ANGPT2: variants seen among roughly 807,000 people sequenced by gnomAD.
ANGPT2 encodes angiopoietin-2.
Under a neutral mutation model 62.9 loss-of-function variants are expected in ANGPT2, and 28 were observed. The ratio of observed to expected loss-of-function variants is 0.44; its 90% CI spans 0.33 to 0.61. ANGPT2 has a LOEUF of 0.61. Among genes scored for constraint, ANGPT2 ranks in the 20% least tolerant of loss-of-function variants. The pLI, the probability that ANGPT2 is intolerant of heterozygous loss-of-function variation, is 0.03. For synonymous variants in ANGPT2, 284 were observed against 207.8 expected, an observed-to-expected ratio of 1.37 and a Z score of -3.15; for missense variants, 727 against 594.9, an observed-to-expected ratio of 1.22 and a Z score of -2.31.
Position 6,563,242 on chromosome 8 carries a change from C to T in ANGPT2, c.-308G>A. The stretch of plus-strand genomic sequence containing the variant: ...CCTCTCTCCCCAGATCCTACAGTGT[C>T]AGTATCCGAATCAATCACTTTCCTT... On this transcript the variant is annotated 5_prime_UTR_variant, in exon 1 of 9. Transcript: ENST00000629816. The T allele has an allele frequency of 9.1e-6, 2 of 220,472 alleles. No individual in the cohort carries two copies. Among genetic ancestry groups the T allele is most frequent in the Admixed American group, 5.0e-5 (1 of 20,048 alleles). 13.7% of individuals were successfully genotyped at this position (220,472 alleles called of 1,614,324 possible). A position where few individuals can be genotyped will look rare whatever the true frequency, so the allele number is the denominator to read the frequency against.
chr8:6,508,877 C>G, intron 8 of ANGPT2, 55 bp downstream of exon 8: 2 of 1,612,600 alleles, frequency 1.2e-6, no homozygotes, highest in South Asian at 1.1e-5. Flanking sequence ...CAGCCTTTCC[C>G]TCTATGAAAT....
At chr8:6,532,567 C>G (rs1230295940) in intron 1 of ANGPT2, 80 bp from the exon 2 acceptor site, 2 of 871,082 alleles carry the variant, frequency 2.3e-6, no homozygotes, top group Non-Finnish European at 3.1e-6. Context: ...CGTCTCCTCC[C>G]TATCTTTAAA....
At position 6,535,665 on chromosome 8, in the gene ANGPT2, C is replaced by G. The variant is rs80233401; in HGVS notation, c.289-3178G>C. 9.2e-4 allele frequency among the ~76,000 whole-genome samples: 140 copies of G among 152,288 alleles called. 1 individual carries two copies. The East Asian group carries it at 0.024, about 26-fold the overall frequency. ...AAATAAAAGAAAATTCTGTGTGATA[C>G]TGACTGCATTGCTAATTAATTGAAG... On this transcript the variant is annotated intron_variant, in intron 1 of 8. Transcript: ENST00000629816.
At chr8:6,550,516 T>G (rs1823452632) in intron 1 of ANGPT2, among the ~76,000 whole-genome samples, 2 of 152,230 alleles carry the variant, frequency 1.3e-5, no homozygotes, top group African/African-American at 4.8e-5. Context: ...AAAACTGGCC[T>G]GCTCACCATT....
chr8:6,511,637 CT>C (rs1436502777), intron 7 of ANGPT2, among the ~76,000 whole-genome samples: 1 of 152,150 alleles, frequency 6.6e-6, no homozygotes, highest in Non-Finnish European at 1.5e-5. Flanking sequence ...TCACAGTTCT[CT>C]TATCATGCTA....
rs972809611 is a variant in ANGPT2 at position 6,501,057 on chromosome 8, C to G, written c.*2044G>C. Reference sequence around the variant, plus strand: ...TTCAACTTGATACAAGGCCATGATACCGTTGTTGAATTCATAAAACCTTCT... The same window carrying G: ...TTCAACTTGATACAAGGCCATGATAGCGTTGTTGAATTCATAAAACCTTCT... On this transcript the variant is annotated 3_prime_UTR_variant, in exon 9 of 9. Transcript: ENST00000629816. The G allele has an allele frequency of 6.6e-6, 1 of 152,138 alleles. No individual in the cohort carries two copies. Among genetic ancestry groups the G allele is most frequent in the Admixed American group, 6.5e-5 (1 of 15,274 alleles). The allele number at this position is 152,138 out of a possible 1,614,324, so 9.4% of individuals were successfully genotyped here. A position where few individuals can be genotyped will look rare whatever the true frequency, so the allele number is the denominator to read the frequency against.
Position 6,531,633 on chromosome 8 carries a change from A to G in ANGPT2, c.444+699T>C, listed in dbSNP as rs556844712. ...AGTCTTCTTTCTGTTATTATTAATCACTAGCTCATAGAATCTCACAGTGGA... is the reference window on the plus strand; with the variant it reads ...AGTCTTCTTTCTGTTATTATTAATCGCTAGCTCATAGAATCTCACAGTGGA... On this transcript the variant is annotated intron_variant, in intron 2 of 8. Coordinates refer to ENST00000629816, the MANE Select transcript of ANGPT2 (RefSeq NM_001118887.2). 3.3e-5 allele frequency among the ~76,000 whole-genome samples: 5 copies of G among 152,218 alleles called. No homozygotes were observed. The East Asian group carries it at 9.7e-4, about 29-fold the overall frequency.
chr8:6,514,874 C>T, intron 5 of ANGPT2, 96 bp from the exon 6 acceptor site: 2 of 1,017,386 alleles, frequency 2.0e-6, no homozygotes, highest in Non-Finnish European at 1.5e-6. Context: ...GTGCAGGACT[C>T]AGCCGAGAGG....
chr8:6,528,617 G>C (rs1466018053), intron 2 of ANGPT2, among the ~76,000 whole-genome samples: 3 of 152,240 alleles, frequency 2.0e-5, no homozygotes, highest in African/African-American at 7.2e-5. Context: ...CTACTGCGTG[G>C]CATGAGCAGT....
At position 6,499,694 on chromosome 8, in the gene ANGPT2, A is replaced by C. The variant is rs188397013; in HGVS notation, c.*3407T>G. On this transcript the variant is annotated 3_prime_UTR_variant, in exon 9 of 9. Transcript: ENST00000629816. ...TTATTAATATTCATAACATTTATGC[A>C]ACATGAAGATTCTGAAGGGACTTTG... is the stretch of plus-strand genomic sequence containing the variant. 70 of 647,466 alleles carry C rather than the reference A, an allele frequency of 1.1e-4. No homozygotes were observed. The African/African-American group carries it at 1.2e-3, about 12-fold the overall frequency. 40.1% of individuals were successfully genotyped at this position (647,466 alleles called of 1,614,324 possible). A position where few individuals can be genotyped will look rare whatever the true frequency, so the allele number is the denominator to read the frequency against.
Position 6,500,179 on chromosome 8 carries a change from C to A in ANGPT2, c.*2922G>T. Reference sequence around the variant, plus strand: ...AATTTGACGATTAACATCCTCAGAACTGAGAAAAACAAAAATGAAAAAAGA... The same window carrying A: ...AATTTGACGATTAACATCCTCAGAAATGAGAAAAACAAAAATGAAAAAAGA... On this transcript the variant is annotated 3_prime_UTR_variant, in exon 9 of 9. Coordinates refer to ENST00000629816, the MANE Select transcript of ANGPT2 (RefSeq NM_001118887.2). 2.1e-6 allele frequency: 1 copy of A among 484,928 alleles called. No individual in the cohort carries two copies. Among genetic ancestry groups the A allele is most frequent in the African/African-American group, 1.9e-5 (1 of 51,332 alleles). The allele number at this position is 484,928 out of a possible 1,614,324, so 30.0% of individuals were successfully genotyped here.
At position 6,513,769 on chromosome 8, in the gene ANGPT2, C is replaced by T. The variant is rs768375694; in HGVS notation, c.1105G>A (p.Val369Met). Residue 369 changes from valine (V) to methionine (M), a missense_variant, in exon 7 of 9, where the codon GTG becomes ATG. Transcript: ENST00000629816. ...CAGTCTTTAAGGTGTATTTTAAGCA[C>T]ATAGCGTTGCTGATTAGTCAGTTGC... ...VSQLTNQQRY[V>M]LKIHLKDWEG... The T allele has an allele frequency of 6.8e-6, 11 of 1,613,914 alleles. No individual in the cohort carries two copies. The South Asian group carries it at 8.8e-5, about 13-fold the overall frequency.
At chr8:6,512,486 G>A (rs1815356156) in intron 7 of ANGPT2, among the ~76,000 whole-genome samples, 1 of 152,156 alleles carries the variant, frequency 6.6e-6, no homozygotes, top group Admixed American at 6.5e-5. Flanking sequence ...ACCTCAAAGT[G>A]GGTATTTCAT....
At chr8:6,550,164 T>C (rs968200233) in intron 1 of ANGPT2, among the ~76,000 whole-genome samples, 1 of 152,232 alleles carries the variant, frequency 6.6e-6, no homozygotes, top group African/African-American at 2.4e-5. Flanking sequence ...CCGCACAACC[T>C]GGAAACCCTC....
chr8:6,563,111 C>G lies in ANGPT2; in HGVS notation c.-177G>C, dbSNP rs1341308300. The G allele has an allele frequency of 1.6e-6, 1 of 606,088 alleles. No individual in the cohort carries two copies. Among genetic ancestry groups the G allele is most frequent in the Non-Finnish European group, 2.8e-6 (1 of 358,114 alleles). The allele number at this position is 606,088 out of a possible 1,614,324, so 37.5% of individuals were successfully genotyped here. A position where few individuals can be genotyped will look rare whatever the true frequency, so the allele number is the denominator to read the frequency against. ...CAAACCTGGTTTTTACTGCTGTGTT[C>G]TCTCCAGGCATGCAGTAAACTGTCA... On this transcript the variant is annotated 5_prime_UTR_variant, in exon 1 of 9. Coordinates refer to ENST00000629816, the MANE Select transcript of ANGPT2 (RefSeq NM_001118887.2).
chr8:6,509,659 A>G (rs180896344), intron 7 of ANGPT2, among the ~76,000 whole-genome samples: 1 of 152,340 alleles, frequency 6.6e-6, no homozygotes, highest in East Asian at 1.9e-4. Flanking sequence ...ACTATTTACA[A>G]TACAGACGAT....
At chr8:6,521,983 T>C (rs991580578) in intron 3 of ANGPT2, among the ~76,000 whole-genome samples, 1 of 152,184 alleles carries the variant, frequency 6.6e-6, no homozygotes. Flanking sequence ...AGTCACCCTA[T>C]GCGTTAATGT....
chr8:6,548,452 GC>G (rs1420623992), intron 1 of ANGPT2, among the ~76,000 whole-genome samples: 1 of 152,098 alleles, frequency 6.6e-6, no homozygotes. Flanking sequence ...CCCAGTGGTC[GC>G]TAGCTCTCCT....
rs775975956 is a variant in ANGPT2 at position 6,514,781 on chromosome 8, G to C, written c.928-3C>G. On this transcript the variant is annotated splice_region_variant and splice_polypyrimidine_tract_variant and intron_variant, in intron 5 of 8. Coordinates refer to ENST00000629816, the MANE Select transcript of ANGPT2 (RefSeq NM_001118887.2). ...CCAGCTTCCATGTCACAGTAGGCCT[G>C]CAAACAGGAATGCAGGGTATAAGTG... 1 of 1,613,492 alleles carries C rather than the reference G, an allele frequency of 6.2e-7. No individual in the cohort carries two copies. Among genetic ancestry groups the C allele is most frequent in the Non-Finnish European group, 8.5e-7 (1 of 1,179,700 alleles).
Sources: allele counts gnomAD v4.1 joint callset (sites outside exome capture counted in the v4.1 genomes callset), GRCh38; gene constraint gnomAD v4.1.1; transcripts MANE v1.5; gene names NCBI Gene and HGNC (gene_info 2026-07-23, HGNC 2026-07-21).